The following SLC2A8 variants were observed in gnomAD, a reference collection of about 807,000 sequenced individuals.
SLC2A8 encodes the protein solute carrier family 2 member 8, also known as solute carrier family 2, facilitated glucose transporter member 8.
In SLC2A8, 53 loss-of-function variants were observed where a neutral mutation model predicts 49.2. The observed-to-expected ratio is 1.08, with a 90% CI of 0.86 to 1.35. SLC2A8 has a LOEUF of 1.35. Ranked by LOEUF, SLC2A8 falls within the 40% of genes most tolerant of loss-of-function variation. The pLI, the probability that SLC2A8 is intolerant of heterozygous loss-of-function variation, is 0.00. For synonymous variants in SLC2A8, 299 were observed against 297.0 expected (o/e 1.01, Z -0.07); for missense variants, 688 against 671.7 (o/e 1.02, Z -0.27).
rs1395257841 is a variant in SLC2A8 at position 127,403,985 on chromosome 9, G to A, written c.894G>A (p.Val298=). ...FKDSSLASVV[V]GVIQVLFTAV... is the part of the protein sequence containing the mutation. Reference sequence around the variant, plus strand: ...ACAGCAGCCTGGCCTCGGTCGTCGTGGGTGTCATCCAGGTGCTGTTCACAG... The same window carrying A: ...ACAGCAGCCTGGCCTCGGTCGTCGTAGGTGTCATCCAGGTGCTGTTCACAG... Residue 298 remains valine (V), a synonymous_variant, in exon 7 of 10, where the codon GTG becomes GTA. Coordinates refer to ENST00000373371, the MANE Select transcript of SLC2A8 (RefSeq NM_014580.5). 6.2e-7 allele frequency: 1 copy of A among 1,610,682 alleles called. No individual in the cohort carries two copies. Among genetic ancestry groups the A allele is most frequent in the African/African-American group, 1.3e-5 (1 of 74,864 alleles).
Position 127,397,393 on chromosome 9 carries a change from G to C in SLC2A8, c.74G>C (p.Arg25Pro). ...PPGGSAPRGR[R>P]VFLAAFAAAL... ...CCCCCCAGCGCGCCCCGCGGCCGCC[G>C]CGTCTTCCTCGCCGCCTTCGCCGCT... is the stretch of plus-strand genomic sequence containing the variant. Residue 25 changes from arginine to proline, a missense_variant, in exon 2 of 10, where the codon CGC (arginine) becomes CCC (proline). By Grantham distance (103) the Arg-to-Pro change is moderately radical. Coordinates refer to ENST00000373371, the MANE Select transcript of SLC2A8 (RefSeq NM_014580.5). 1 of 1,470,816 alleles carries C rather than the reference G, an allele frequency of 6.8e-7. No individual in the cohort carries two copies. Among genetic ancestry groups the C allele is most frequent in the Middle Eastern group, 2.1e-4 (1 of 4,672 alleles). 91.1% of individuals were successfully genotyped at this position (1,470,816 alleles called of 1,614,324 possible).
chr9:127,405,489 G>A lies in SLC2A8; in HGVS notation c.1220G>A (p.Gly407Asp). ...MSEIFPLHVK[G>D]VATGICVLTN... ...GAGATCTTCCCTCTGCATGTCAAGG[G>A]CGTGGCGACAGGCATCTGCGTCCTC... Residue 407 changes from glycine to aspartate, a missense_variant, in exon 9 of 10, where the codon GGC becomes GAC. By Grantham distance (94) the Gly-to-Asp change is moderately conservative. Coordinates refer to ENST00000373371, the MANE Select transcript of SLC2A8 (RefSeq NM_014580.5). 1 of 1,613,202 alleles carries A rather than the reference G, an allele frequency of 6.2e-7. No homozygotes were observed. Among genetic ancestry groups the A allele is most frequent in the East Asian group, 2.2e-5 (1 of 44,882 alleles).
chr9:127,403,417 G>C, intron 5 of SLC2A8: 1 of 575,074 alleles, frequency 1.7e-6, no homozygotes, highest in South Asian at 2.1e-5. Flanking sequence ...TCTTTGCCCA[G>C]ATTACCTCTT....
At chr9:127,405,664 A>G in intron 9 of SLC2A8, 99 bp downstream of exon 9, 6 of 1,468,616 alleles carry the variant, frequency 4.1e-6, no homozygotes, top group South Asian at 3.8e-5. Flanking sequence ...GTGGCCTTAC[A>G]TGCAGCCTGA....
chr9:127,402,345 C>T, intron 4 of SLC2A8: 1 of 637,226 alleles, frequency 1.6e-6, no homozygotes, highest in Non-Finnish European at 2.5e-6. Context: ...TCCGCGTTGT[C>T]ATACCCACTG....
At chr9:127,398,730 C>G (rs1351601932) in intron 3 of SLC2A8, among the ~76,000 whole-genome samples, 4 of 152,224 alleles carry the variant, frequency 2.6e-5, no homozygotes, top group Non-Finnish European at 5.9e-5. Flanking sequence ...GTTTCCTTCT[C>G]TGGAAAACAG....
At chr9:127,402,840 G>A (rs1564217150) in intron 5 of SLC2A8, 87 bp downstream of exon 5, 4 of 1,413,340 alleles carry the variant, frequency 2.8e-6, no homozygotes, top group Admixed American at 5.6e-5. Context: ...ACACACTTGG[G>A]GGGTGGGGGA....
chr9:127,399,930 C>A lies in SLC2A8; in HGVS notation c.450C>A (p.Tyr150Ter). The change falls in exon 4 of 10, where the codon TAC becomes TAA. Residue 150 changes from tyrosine to a stop codon, truncating the protein, a stop_gained. Coordinates refer to ENST00000373371, the MANE Select transcript of SLC2A8 (RefSeq NM_014580.5). LOFTEE classifies it high-confidence loss of function. The surrounding 1 kb of genome is among the most constrained non-coding windows in gnomAD (Gnocchi z 4.2). ...AGGTCTACATCTCCGAAATCGCCTACCCAGCAGTCCGGGGGTTGCTCGGCT... is the reference window on the plus strand; with the variant it reads ...AGGTCTACATCTCCGAAATCGCCTAACCAGCAGTCCGGGGGTTGCTCGGCT... Reference protein sequence around the residue: ...VAPVYISEIAYPAVRGLLGSC... With the variant: ...VAPVYISEIA 6.2e-7 allele frequency: 1 copy of A among 1,613,754 alleles called. No homozygotes were observed. Among genetic ancestry groups the A allele is most frequent in the East Asian group, 2.2e-5 (1 of 44,840 alleles).
chr9:127,407,416 C>A lies in SLC2A8; in HGVS notation c.*167C>A. The stretch of plus-strand genomic sequence containing the variant: ...CAGCCCATGACCCGGGGCTAGGAGG[C>A]TCACTGCCTCCTGTTCCAGCTCCTG... On this transcript the variant is annotated 3_prime_UTR_variant, in exon 10 of 10. Coordinates refer to ENST00000373371, the MANE Select transcript of SLC2A8 (RefSeq NM_014580.5). 1 of 836,866 alleles carries A rather than the reference C, an allele frequency of 1.2e-6. No homozygotes were observed. The highest frequency in any genetic ancestry group is 2.0e-6 in the Non-Finnish European group (1 of 494,202). 51.8% of individuals were successfully genotyped at this position (836,866 alleles called of 1,614,324 possible). A position where few individuals can be genotyped will look rare whatever the true frequency, so the allele number is the denominator to read the frequency against.
At position 127,403,666 on chromosome 9, in the gene SLC2A8, C is replaced by A. The variant is rs140979737; in HGVS notation, c.730C>A (p.His244Asn). ...DPPIGAEQSF[H>N]LALLRQPGIY... is the part of the protein sequence containing the mutation. Reference sequence around the variant, plus strand: ...CCAGTATCCGTCAGAGCAGAGCTTTCACCTGGCCCTGCTGCGGCAGCCCGG... The same window carrying A: ...CCAGTATCCGTCAGAGCAGAGCTTTAACCTGGCCCTGCTGCGGCAGCCCGG... The change falls in exon 6 of 10, where the codon CAC becomes AAC. Residue 244 changes from histidine (H) to asparagine (N), a missense_variant. By Grantham distance (68) the His-to-Asn change is moderately conservative. Coordinates refer to ENST00000373371, the MANE Select transcript of SLC2A8 (RefSeq NM_014580.5). The A allele has an allele frequency of 6.2e-7, 1 of 1,612,834 alleles. No individual in the cohort carries two copies. The highest frequency in any genetic ancestry group is 1.7e-5 in the Admixed American group (1 of 59,990).
chr9:127,399,756 T>C lies in SLC2A8; in HGVS notation c.427-151T>C, dbSNP rs1833200309. The C allele has an allele frequency of 1.8e-6, 1 of 562,470 alleles. No homozygotes were observed. The highest frequency in any genetic ancestry group is 1.9e-5 in the African/African-American group (1 of 52,618). The allele number at this position is 562,470 out of a possible 1,614,324, so 34.8% of individuals were successfully genotyped here. A position where few individuals can be genotyped will look rare whatever the true frequency, so the allele number is the denominator to read the frequency against. ...GCCACTAGGCCCAGCTAATTTTGTA[T>C]TTTTAGTAGAGATGGGGTTTCTCCC... On this transcript the variant is annotated intron_variant, in intron 3 of 9. Coordinates refer to ENST00000373371, the MANE Select transcript of SLC2A8 (RefSeq NM_014580.5). The surrounding 1 kb of genome is among the most constrained non-coding windows in gnomAD (Gnocchi z 4.2).
At chr9:127,406,891 C>T (rs902557268) in intron 9 of SLC2A8, among the ~76,000 whole-genome samples, 2 of 152,238 alleles carry the variant, frequency 1.3e-5, no homozygotes, top group Non-Finnish European at 2.9e-5. Flanking sequence ...CCCAGCCATA[C>T]GACCTCGGTA....
Position 127,407,170 on chromosome 9 carries a change from T to A in SLC2A8, c.1355T>A (p.Val452Asp). ...GCCTCCGCTTTCTGCATCTTCAGTG[T>A]CCTTTTCACTTTGTTCTGTGTCCCT... ...WLASAFCIFS[V>D]LFTLFCVPET... Residue 452 changes from valine (V) to aspartate (D), a missense_variant, in exon 10 of 10, where the codon GTC (valine) becomes GAC (aspartate). Val to Asp is a radical substitution (Grantham distance 152, BLOSUM62 -3). Coordinates refer to ENST00000373371, the MANE Select transcript of SLC2A8 (RefSeq NM_014580.5). 1 of 1,613,688 alleles carries A rather than the reference T, an allele frequency of 6.2e-7. No individual in the cohort carries two copies. Among genetic ancestry groups the A allele is most frequent in the Non-Finnish European group, 8.5e-7 (1 of 1,179,988 alleles).
Position 127,407,243 on chromosome 9 carries a change from G to C in SLC2A8, c.1428G>C (p.Gly476=). ...AACAAATCACAGCCCATTTTGAGGG[G>C]CGATGACAGCCACTCACTAGGGGAT... is the stretch of plus-strand genomic sequence containing the variant. ...TLEQITAHFE[G]R The change falls in exon 10 of 10, where the codon GGG becomes GGC. Residue 476 remains glycine (G), a synonymous_variant. Transcript: ENST00000373371. The C allele has an allele frequency of 6.2e-7, 1 of 1,613,044 alleles. No individual in the cohort carries two copies. The highest frequency in any genetic ancestry group is 8.5e-7 in the Non-Finnish European group (1 of 1,179,986).
rs1365104530 is a variant in SLC2A8, at chr9:127,399,480, G to A, written c.427-427G>A. 2.6e-5 allele frequency among the ~76,000 whole-genome samples: 4 copies of A among 151,924 alleles called. No homozygotes were observed. The highest frequency in any genetic ancestry group is 9.7e-5 in the African/African-American group (4 of 41,342). ...CCACTAAGGGGCTTCAGGGCCTGCC[G>A]TAACCCCCTGCAAGGACTTTCCTCA... is the stretch of plus-strand genomic sequence containing the variant. On this transcript the variant is annotated intron_variant, in intron 3 of 9. Transcript: ENST00000373371. The surrounding 1 kb of genome is among the most constrained non-coding windows in gnomAD (Gnocchi z 4.2).
At chr9:127,401,412 T>C (rs967196238) in intron 4 of SLC2A8, among the ~76,000 whole-genome samples, 1 of 152,202 alleles carries the variant, frequency 6.6e-6, no homozygotes, top group African/African-American at 2.4e-5. Flanking sequence ...CTCTGCATCG[T>C]CAGGGCGGAT....
In SLC2A8 at chr9:127,403,692, C is replaced by T; in HGVS notation, c.756C>T (p.Gly252=). ...ACCTGGCCCTGCTGCGGCAGCCCGG[C>T]ATCTACAAGCCCTTCATCATCGGCG... ...SFHLALLRQP[G]IYKPFIIGVS... The change falls in exon 6 of 10, where the codon GGC becomes GGT. Residue 252 remains glycine (G), a synonymous_variant. Coordinates refer to ENST00000373371, the MANE Select transcript of SLC2A8 (RefSeq NM_014580.5). 2 of 1,613,026 alleles carry T rather than the reference C, an allele frequency of 1.2e-6. No individual in the cohort carries two copies. Among genetic ancestry groups the T allele is most frequent in the South Asian group, 1.1e-5 (1 of 91,086 alleles).
rs1833534042 is a variant in SLC2A8, at chr9:127,407,531, G to A, written c.*282G>A. On this transcript the variant is annotated 3_prime_UTR_variant, in exon 10 of 10. Transcript: ENST00000373371. Reference sequence around the variant, plus strand: ...CAAGACTAAAGCAGCGGAAGAGGAGGTGGGCCTCTAGGATCTTTGTCTTCT... The same window carrying A: ...CAAGACTAAAGCAGCGGAAGAGGAGATGGGCCTCTAGGATCTTTGTCTTCT... 1.8e-6 allele frequency: 1 copy of A among 543,470 alleles called. No individual in the cohort carries two copies. 33.7% of individuals were successfully genotyped at this position (543,470 alleles called of 1,614,324 possible).
At position 127,402,580 on chromosome 9, in the gene SLC2A8, C is replaced by T. The variant is rs1272622787; in HGVS notation, c.550C>T (p.Leu184=). ...LAGWVLEWRW[L]AVLGCVPPSL... is the part of the protein sequence containing the mutation. ...AGGCTGGGTGCTGGAGTGGCGCTGG[C>T]TGGCTGTGCTGGGCTGCGTGCCCCC... Residue 184 remains leucine (L), a synonymous_variant, in exon 5 of 10, where the codon CTG becomes TTG. Transcript: ENST00000373371. 6.3e-7 allele frequency: 1 copy of T among 1,580,530 alleles called. No homozygotes were observed. The highest frequency in any genetic ancestry group is 1.2e-5 in the South Asian group (1 of 86,844).
Sources: gnomAD v4.1 joint callset for allele counts (sites outside exome capture counted in the v4.1 genomes callset) on GRCh38, gnomAD v4.1.1 for gene constraint, Gnocchi (gnomAD v3.1) non-coding constraint, MANE v1.5 for transcripts, NCBI Gene and HGNC (gene_info 2026-07-23, HGNC 2026-07-21) for gene names.